Variants in KIF3C observed in about 807,000 individuals in gnomAD.
KIF3C encodes kinesin-like protein KIF3C.
KIF3C carries 12 observed loss-of-function variants against 67.7 expected under a neutral mutation model. The ratio of observed to expected loss-of-function variants is 0.18; its 90% CI spans 0.11 to 0.29. The LOEUF (loss-of-function observed/expected upper bound fraction) is 0.29, where lower values mean the gene tolerates loss of function less well. Among genes scored for constraint, KIF3C ranks in the 10% least tolerant of loss-of-function variants. The pLI is 1.00. For missense variants in KIF3C, 789 were observed against 1,059.6 expected (o/e 0.74, Z 3.55); for synonymous variants, 393 against 426.2 (o/e 0.92, Z 0.96).
In KIF3C at chr2:25,928,782, G is replaced by A. The variant is rs548770005; in HGVS notation, c.*196C>T. ...ATCTCCCCAACACGAACAGAGCTCC[G>A]CGAATAAATAACATGAATTAAATAA... On this transcript the variant is annotated 3_prime_UTR_variant, in exon 8 of 8. Transcript: ENST00000264712. 1.3e-5 allele frequency: 7 copies of A among 547,952 alleles called. No individual in the cohort carries two copies. The highest frequency in any genetic ancestry group is 3.8e-5 in the African/African-American group (2 of 52,600). 33.9% of individuals were successfully genotyped at this position (547,952 alleles called of 1,614,324 possible). A position where few individuals can be genotyped will look rare whatever the true frequency, so the allele number is the denominator to read the frequency against.
chr2:25,968,226 G>A (rs1664193329), intron 1 of KIF3C, among the ~76,000 whole-genome samples: 1 of 152,220 alleles, frequency 6.6e-6, no homozygotes, highest in African/African-American at 2.4e-5. Context: ...TCAGGAGACT[G>A]AGTCTGAGTC....
rs535558795 is a variant in KIF3C, at chr2:25,928,970, G to T, written c.*8C>A. On this transcript the variant is annotated 3_prime_UTR_variant, in exon 8 of 8. Transcript: ENST00000264712. ...GTCTATTGGATGGGCAGCCTGACGT[G>T]ATGGTTGTCACTCATGGTCCGCCAC... 1 of 1,611,510 alleles carries T rather than the reference G, an allele frequency of 6.2e-7. No individual in the cohort carries two copies. The highest frequency in any genetic ancestry group is 8.5e-7 in the Non-Finnish European group (1 of 1,178,958).
intron 1 of KIF3C, among the ~76,000 whole-genome samples, chr2:25,959,441 G>T (rs1361305045): frequency 6.6e-6 from 1 of 152,080 alleles, no homozygotes; most frequent in Non-Finnish European, 1.5e-5. Flanking sequence ...AATCCTTGGG[G>T]GTTGTCCCAG....
At chr2:25,942,746 G>A (rs530433127) in intron 5 of KIF3C, among the ~76,000 whole-genome samples, 2 of 152,258 alleles carry the variant, frequency 1.3e-5, no homozygotes, top group South Asian at 4.1e-4. Context: ...TATTATACAA[G>A]ATTATGACTG....
intron 5 of KIF3C, among the ~76,000 whole-genome samples, chr2:25,942,800 T>A (rs1663327416): frequency 6.6e-6 from 1 of 152,222 alleles, no homozygotes; most frequent in Non-Finnish European, 1.5e-5. Context: ...AAATAATGGC[T>A]ACATGGAGAT....
Position 25,981,502 on chromosome 2 carries a change from T to C in KIF3C, c.416A>G (p.Tyr139Cys), listed in dbSNP as rs1368877697. The change falls in exon 1 of 8, where the codon TAC (tyrosine) becomes TGC (cysteine). Residue 139 changes from tyrosine to cysteine, a missense_variant. Tyr to Cys is a radical substitution (Grantham distance 194). Transcript: ENST00000264712. This position sits in a 1 kb window ranked among gnomAD's most constrained non-coding sequence, Gnocchi z 8.2. ...CTCCAAATAGGAGGCCCGGACCAGG[T>C]ACTGTTGGTTCTGGGAGCGGGAGAT... The part of the protein sequence containing the change: ...THISRSQNQQ[Y>C]LVRASYLEIY... The C allele has an allele frequency of 1.2e-6, 2 of 1,613,596 alleles. No individual in the cohort carries two copies. Among genetic ancestry groups the C allele is most frequent in the Non-Finnish European group, 1.7e-6 (2 of 1,179,912 alleles).
intron 4 of KIF3C, among the ~76,000 whole-genome samples, chr2:25,952,558 TA>T (rs59318244): frequency 0.015 from 2,152 of 145,350 alleles, 21 homozygotes; most frequent in Middle Eastern, 0.029. Context: ...TGTATATATA[TA>T]TATATTTTTT....
chr2:25,966,917 G>T (rs1432767326), intron 1 of KIF3C, among the ~76,000 whole-genome samples: 1 of 152,184 alleles, frequency 6.6e-6, no homozygotes, highest in Non-Finnish European at 1.5e-5. Flanking sequence ...TGACATAAAA[G>T]AAAACTAAGG....
chr2:25,953,420 GCTC>G, intron 4 of KIF3C, among the ~76,000 whole-genome samples: 1 of 151,448 alleles, frequency 6.6e-6, no homozygotes, highest in Non-Finnish European at 1.5e-5. Flanking sequence ...GAGTGCAGTG[GCTC>G]CATCTCAGCT....
At position 25,955,676 on chromosome 2, in the gene KIF3C, C is replaced by T. The variant is rs6759471; in HGVS notation, c.1648-13G>A. 29 of 1,613,828 alleles carry T rather than the reference C, an allele frequency of 1.8e-5. No individual in the cohort carries two copies. Among genetic ancestry groups the T allele is most frequent in the African/African-American group, 1.6e-4 (12 of 75,042 alleles). On this transcript the variant is annotated splice_polypyrimidine_tract_variant and intron_variant, in intron 2 of 7. Transcript: ENST00000264712. The surrounding 1 kb of genome is among the most constrained non-coding windows in gnomAD (Gnocchi z 5.0). ...GCTCACGACGTTTCTAGGCCAAGGACGGGCAGTGTGGCTCAAAGGAGCAGT... is the reference window on the plus strand; with the variant it reads ...GCTCACGACGTTTCTAGGCCAAGGATGGGCAGTGTGGCTCAAAGGAGCAGT...
Position 25,981,650 on chromosome 2 carries a change from T to C in KIF3C, c.268A>G (p.Asn90Asp), listed in dbSNP as rs1424861995. ...TGGCCATAGGCAAACACCGTGCCAT[T>C]GAAACCCTGGAGCACGGAGTCTATC... is the stretch of plus-strand genomic sequence containing the variant. ...PLIDSVLQGF[N>D]GTVFAYGQTG... is the part of the protein sequence containing the mutation. The change falls in exon 1 of 8, where the codon AAT (asparagine) becomes GAT (aspartate). Residue 90 changes from asparagine to aspartate, a missense_variant. Coordinates refer to ENST00000264712, the MANE Select transcript of KIF3C (RefSeq NM_002254.8). The surrounding 1 kb of genome is among the most constrained non-coding windows in gnomAD (Gnocchi z 8.2). The C allele has an allele frequency of 6.2e-7, 1 of 1,614,018 alleles. No individual in the cohort carries two copies. The highest frequency in any genetic ancestry group is 8.5e-7 in the Non-Finnish European group (1 of 1,180,042).
At chr2:25,936,006 G>A (rs2149223232) in intron 5 of KIF3C, among the ~76,000 whole-genome samples, 1 of 151,688 alleles carries the variant, frequency 6.6e-6, no homozygotes, top group South Asian at 2.1e-4. Flanking sequence ...AGAATCGCTT[G>A]AACCCGGGAG....
chr2:25,941,208 G>A (rs1663275703), intron 5 of KIF3C, among the ~76,000 whole-genome samples: 1 of 152,108 alleles, frequency 6.6e-6, no homozygotes, highest in South Asian at 2.1e-4. Flanking sequence ...GGAAGTTGAA[G>A]CAGGAGGATC....
chr2:25,972,630 G>C (rs568722313), intron 1 of KIF3C, among the ~76,000 whole-genome samples: 1 of 152,322 alleles, frequency 6.6e-6, no homozygotes, highest in East Asian at 1.9e-4. Context: ...CATGGGGCTG[G>C]TGTCCTTGGG....
chr2:25,933,194 T>C (rs2090476554), intron 5 of KIF3C, among the ~76,000 whole-genome samples: 1 of 151,292 alleles, frequency 6.6e-6, no homozygotes, highest in Non-Finnish European at 1.5e-5. Context: ...GAGGTTGCAG[T>C]AGGCCAAGAT....
chr2:25,957,426 C>T (rs944224318), intron 1 of KIF3C, among the ~76,000 whole-genome samples: 3 of 152,120 alleles, frequency 2.0e-5, no homozygotes, highest in Non-Finnish European at 4.4e-5. Flanking sequence ...CCTTTCAAAA[C>T]CTATTCTGGT....
chr2:25,971,015 G>A (rs1442341307), intron 1 of KIF3C, among the ~76,000 whole-genome samples: 3 of 149,850 alleles, frequency 2.0e-5, no homozygotes, highest in African/African-American at 7.4e-5. Flanking sequence ...GCTCATGCCT[G>A]TAATCCCAGC....
intron 1 of KIF3C, among the ~76,000 whole-genome samples, chr2:25,965,364 A>G (rs1020579660): frequency 6.6e-6 from 1 of 152,184 alleles, no homozygotes; most frequent in Admixed American, 6.5e-5. Flanking sequence ...TATGTCATGC[A>G]TGAGATTCCT....
intron 1 of KIF3C, among the ~76,000 whole-genome samples, chr2:25,957,439 G>C (rs1457620585): frequency 6.6e-6 from 1 of 152,022 alleles, no homozygotes; most frequent in Non-Finnish European, 1.5e-5. Flanking sequence ...ATTCTGGTTT[G>C]GGGGGGTGCC....
Sources: allele counts gnomAD v4.1 joint callset (sites outside exome capture counted in the v4.1 genomes callset), GRCh38; gene constraint gnomAD v4.1.1; non-coding constraint Gnocchi (gnomAD v3.1); transcripts MANE v1.5; gene names NCBI Gene and HGNC (gene_info 2026-07-23, HGNC 2026-07-21).